FHOD3: variants seen among roughly 807,000 people sequenced by gnomAD.
FHOD3 encodes the protein formin homology 2 domain containing 3, also known as FH1/FH2 domain-containing protein 3.
FHOD3 carries 90 observed loss-of-function variants against 173.0 expected under a neutral mutation model. The ratio of observed to expected loss-of-function variants is 0.52; its 90% confidence interval spans 0.44 to 0.62. The LOEUF (loss-of-function observed/expected upper bound fraction) is 0.62. FHOD3 is among the 20% of genes least tolerant of loss of function. The pLI, the probability that FHOD3 is intolerant of heterozygous loss-of-function variation, is 0.00. For synonymous variants in FHOD3, 828 were observed against 823.0 expected, an observed-to-expected ratio of 1.01 and a Z score of -0.10; for missense variants, 1,945 against 2,034.7, an observed-to-expected ratio of 0.96 and a Z score of 0.85.
At chr18:36,468,088 A>G (rs1165876883) in intron 3 of FHOD3, among the ~76,000 whole-genome samples, 1 of 152,130 alleles carries the variant, frequency 6.6e-6, no homozygotes, top group African/African-American at 2.4e-5. Context: ...AGGTGCTCCC[A>G]TGCGAAGCTT....
intron 6 of FHOD3, among the ~76,000 whole-genome samples, chr18:36,583,127 T>C (rs2058913066): frequency 6.6e-6 from 1 of 152,182 alleles, no homozygotes; most frequent in Non-Finnish European, 1.5e-5. Flanking sequence ...CATAAACCAG[T>C]GCAGCCTGCA....
intron 3 of FHOD3, among the ~76,000 whole-genome samples, chr18:36,395,835 A>G (rs894174957): frequency 6.6e-6 from 1 of 152,222 alleles, no homozygotes; most frequent in East Asian, 1.9e-4. Flanking sequence ...TTAATTCATA[A>G]AGAATTAAAA....
At chr18:36,637,891 TGTGG>T (rs1204288849) in intron 10 of FHOD3, among the ~76,000 whole-genome samples, 5 of 152,210 alleles carry the variant, frequency 3.3e-5, no homozygotes, top group Non-Finnish European at 1.5e-5. Context: ...TGATTTATGT[TGTGG>T]ATGCCACCAG....
At chr18:36,450,011 G>T (rs1240916099) in intron 3 of FHOD3, among the ~76,000 whole-genome samples, 1 of 152,010 alleles carries the variant, frequency 6.6e-6, no homozygotes, top group Non-Finnish European at 1.5e-5. Flanking sequence ...AGATTTTAGT[G>T]CACTTATCAC....
intron 24 of FHOD3, among the ~76,000 whole-genome samples, chr18:36,750,902 T>C (rs901233441): frequency 3.9e-5 from 6 of 152,232 alleles, no homozygotes; most frequent in African/African-American, 1.4e-4. Flanking sequence ...TATTGTAAAG[T>C]TGGGTAGTGT....
chr18:36,550,419 A>G (rs1296455547), intron 5 of FHOD3, among the ~76,000 whole-genome samples: 1 of 151,572 alleles, frequency 6.6e-6, no homozygotes, highest in Non-Finnish European at 1.5e-5. Flanking sequence ...TCAAAGACCT[A>G]TGTTAGGTCC....
chr18:36,617,214 G>A (rs1191142139), intron 9 of FHOD3, among the ~76,000 whole-genome samples: 2 of 152,196 alleles, frequency 1.3e-5, no homozygotes, highest in South Asian at 2.1e-4. Flanking sequence ...TGGTAGGTGA[G>A]GCAGGTCCTC....
intron 1 of FHOD3, among the ~76,000 whole-genome samples, chr18:36,329,862 C>G: frequency 6.6e-6 from 1 of 152,208 alleles, no homozygotes; most frequent in East Asian, 1.9e-4. Context: ...TTGCCATCAA[C>G]CTGAGACTTA....
At chr18:36,501,813 A>C (rs1298782023) in intron 3 of FHOD3, 119 bp from the exon 4 acceptor site, 12 of 672,822 alleles carry the variant, frequency 1.8e-5, no homozygotes, top group African/African-American at 3.7e-5. Context: ...TCCTGAATGA[A>C]ATGAATAGGC....
chr18:36,495,433 G>A (rs2054695236), intron 3 of FHOD3, among the ~76,000 whole-genome samples: 1 of 152,150 alleles, frequency 6.6e-6, no homozygotes, highest in Non-Finnish European at 1.5e-5. Flanking sequence ...TCATGGCCAA[G>A]GTGAGCAAAG....
chr18:36,595,032 C>T (rs750681596), intron 7 of FHOD3, 134 bp downstream of exon 7: 10 of 600,130 alleles, frequency 1.7e-5, no homozygotes, highest in Non-Finnish European at 2.9e-5. Flanking sequence ...CTGCAAGAAA[C>T]GTTTTTTAGG....
intron 18 of FHOD3, among the ~76,000 whole-genome samples, chr18:36,717,162 C>T (rs538289179): frequency 1.2e-4 from 19 of 152,152 alleles, no homozygotes; most frequent in Non-Finnish European, 2.5e-4. Context: ...TGGAAGATGC[C>T]TTCTGGCTTC....
chr18:36,325,169 G>A (rs62084123), intron 1 of FHOD3, among the ~76,000 whole-genome samples: 7,922 of 152,112 alleles, frequency 0.052, 334 homozygotes, highest in South Asian at 0.17. Context: ...CTTTGGAGAG[G>A]AGGGGGTTTT....
At chr18:36,495,693 C>T (rs1258106966) in intron 3 of FHOD3, among the ~76,000 whole-genome samples, 2 of 152,178 alleles carry the variant, frequency 1.3e-5, no homozygotes, top group East Asian at 3.8e-4. Context: ...GGTCAGTGGA[C>T]CTGCAACTAG....
At chr18:36,454,558 C>T (rs538496427) in intron 3 of FHOD3, among the ~76,000 whole-genome samples, 1 of 152,290 alleles carries the variant, frequency 6.6e-6, no homozygotes, top group Non-Finnish European at 1.5e-5. Flanking sequence ...CCTTATTTTT[C>T]ATATGCATTG....
chr18:36,478,557 A>G (rs979616630), intron 3 of FHOD3, among the ~76,000 whole-genome samples: 8 of 152,224 alleles, frequency 5.3e-5, no homozygotes, highest in East Asian at 1.9e-4. Context: ...CCCTCTGCCA[A>G]TGTAGCCTCT....
chr18:36,640,640 T>C (rs1474390621), intron 10 of FHOD3, among the ~76,000 whole-genome samples: 1 of 152,224 alleles, frequency 6.6e-6, no homozygotes, highest in East Asian at 1.9e-4. Context: ...GCATTTTATC[T>C]AAACCTTAAG....
Position 36,718,369 on chromosome 18 carries a change from C to A in FHOD3, c.3071C>A (p.Pro1024Gln), listed in dbSNP as rs1185511062. 20 of 1,581,922 alleles carry A rather than the reference C, an allele frequency of 1.3e-5. No homozygotes were observed. Among genetic ancestry groups the A allele is most frequent in the Non-Finnish European group, 1.6e-5 (19 of 1,162,738 alleles). The part of the protein sequence containing the change: ...GHREAPGPPP[P>Q]PPPTFLGLPP... The stretch of plus-strand genomic sequence containing the variant: ...AGGGAGGCCCCTGGGCCACCTCCCC[C>A]ACCCCCACCCACCTTTCTGGGTTTG... Residue 1024 changes from proline to glutamine, a missense_variant, in exon 19 of 29, where the codon CCA becomes CAA. Transcript: ENST00000590592.
chr18:36,653,393 C>G lies in FHOD3; in HGVS notation c.1698C>G (p.His566Gln), dbSNP rs139122756. 2.3e-4 allele frequency: 347 copies of G among 1,534,446 alleles called. No individual in the cohort carries two copies. The African/African-American group carries it at 4.0e-3, about 18-fold the overall frequency. The change falls in exon 13 of 29, where the codon CAC becomes CAG. Residue 566 changes from histidine to glutamine, a missense_variant. This residue lies in a region of FHOD3 where 1,099 missense variants were observed against 1,051.2 expected (regional missense o/e 1.05). Coordinates refer to ENST00000590592, the MANE Select transcript of FHOD3 (RefSeq NM_001281740.3). ...CATATTCTGCCTCTGAGCCTTACCA[C>G]TTCCGATCTTTCTCTTCTAATAGGT... Reference protein sequence around the residue: ...LSTYSASEPYHFRSFSSNRYS... With the variant: ...LSTYSASEPYQFRSFSSNRYS...
Sources: allele counts gnomAD v4.1 joint callset (sites outside exome capture counted in the v4.1 genomes callset), GRCh38; gene constraint gnomAD v4.1.1; regional missense constraint gnomAD v4.1.1; transcripts MANE v1.5; gene names NCBI Gene and HGNC (gene_info 2026-07-23, HGNC 2026-07-21).